ZDHHC6: variants seen among roughly 807,000 people sequenced by gnomAD.
ZDHHC6 encodes zDHHC palmitoyltransferase 6, also known as palmitoyltransferase ZDHHC6.
ZDHHC6 carries 32 observed loss-of-function variants against 57.8 expected under a neutral mutation model. That is an observed-to-expected ratio of 0.55 (90% CI 0.42 to 0.74). The LOEUF (loss-of-function observed/expected upper bound fraction) is 0.74. Ranked by LOEUF, ZDHHC6 falls within the 30% of genes least tolerant of loss-of-function variation. ZDHHC6 has a pLI of 0.00. For missense variants in ZDHHC6, 433 were observed against 500.7 expected (o/e 0.86, Z 1.29); for synonymous variants, 128 against 158.0 (o/e 0.81, Z 1.42).
At chr10:112,432,010 A>G (rs1269884393) in intron 10 of ZDHHC6, among the ~76,000 whole-genome samples, 1 of 152,240 alleles carries the variant, frequency 6.6e-6, no homozygotes, top group Admixed American at 6.5e-5. Context: ...TTATACAAGT[A>G]CTTTTCGCAT....
intron 1 of ZDHHC6, among the ~76,000 whole-genome samples, chr10:112,446,120 T>A (rs557104474): frequency 6.6e-6 from 1 of 152,304 alleles, no homozygotes; most frequent in South Asian, 2.1e-4. Flanking sequence ...TCTTATGAAG[T>A]CTTGAATTAA....
At position 112,438,727 on chromosome 10, in the gene ZDHHC6, T is replaced by C. The variant is rs559119303; in HGVS notation, c.682-338A>G. Among the ~76,000 whole-genome samples the C allele has an allele frequency of 6.6e-5, 10 of 152,320 alleles. No homozygotes were observed. The South Asian group carries it at 2.1e-3, about 32-fold the overall frequency. The stretch of plus-strand genomic sequence containing the variant: ...AATCCATTTAATCAGTGCTTACTTA[T>C]AATTTGCTATTAAAATCTTTTATCA... On this transcript the variant is annotated intron_variant, in intron 5 of 10. Transcript: ENST00000369405.
At chr10:112,443,707 G>T (rs1846374263) in intron 2 of ZDHHC6, 101 bp from the exon 3 acceptor site, 3 of 846,102 alleles carry the variant, frequency 3.5e-6, no homozygotes, top group Non-Finnish European at 5.6e-6. Context: ...GGGAAGGAGA[G>T]AATCTTAACT....
intron 4 of ZDHHC6, 126 bp from the exon 5 acceptor site, chr10:112,440,821 A>C: frequency 1.6e-6 from 1 of 637,310 alleles, no homozygotes; most frequent in Non-Finnish European, 2.3e-6. Context: ...ACGCAAACAC[A>C]GCTATTTTTA....
At chr10:112,436,470 C>T (rs988678315) in intron 6 of ZDHHC6, among the ~76,000 whole-genome samples, 10 of 152,082 alleles carry the variant, frequency 6.6e-5, no homozygotes, top group African/African-American at 2.2e-4. Context: ...AGCGAGACTC[C>T]GTCGCCAGAA....
upstream of ZDHHC6, chr10:112,447,426 A>T: frequency 6.2e-7 from 1 of 1,613,716 alleles, no homozygotes; most frequent in South Asian, 1.1e-5. Flanking sequence ...CTCACTGCAG[A>T]GATCACCAGC....
chr10:112,427,509 A>T, downstream of ZDHHC6: 2 of 624,996 alleles, frequency 3.2e-6, no homozygotes, highest in Non-Finnish European at 2.5e-6. Flanking sequence ...ATTGAGACAT[A>T]TAATGTGTAA....
chr10:112,428,689 T>C (rs1387297684), downstream of ZDHHC6, among the ~76,000 whole-genome samples: 1 of 151,778 alleles, frequency 6.6e-6, no homozygotes, highest in Admixed American at 6.6e-5. Flanking sequence ...GAGAATGGCA[T>C]GAACCCGAGA....
rs757548666 is a variant in ZDHHC6, at chr10:112,445,253, T to G, written c.184A>C (p.Ile62Leu). ...TAAAGAATCATGACAGTCCAATTTA[T>G]CAACATGATGAAATTCACACTTCCT... ...TGGSVNFIML[I>L]NWTVMILYNY... Residue 62 changes from isoleucine (I) to leucine (L), a missense_variant, in exon 2 of 11, where the codon ATA becomes CTA. Physicochemically the swap from Ile to Leu is conservative, Grantham distance 5 (BLOSUM62 2). Transcript: ENST00000369405. 3 of 1,614,162 alleles carry G rather than the reference T, an allele frequency of 1.9e-6. No individual in the cohort carries two copies. In the Admixed American group the frequency reaches 5.0e-5, roughly 27 times the overall value.
chr10:112,429,966 T>TGGGGGG (rs141673449), downstream of ZDHHC6, among the ~76,000 whole-genome samples: 1 of 108,356 alleles, frequency 9.2e-6, no homozygotes, highest in African/African-American at 4.1e-5. Context: ...AAGCAGTTGT[T>TGGGGGG]GGGGGGGGGG....
At chr10:112,425,678 C>T (rs185059345), downstream of ZDHHC6, 13 of 475,080 alleles carry the variant, frequency 2.7e-5, no homozygotes, top group East Asian at 3.5e-4. Context: ...CTATGATGGA[C>T]GTTGTACACA....
chr10:112,441,366 C>T (rs963008605), intron 4 of ZDHHC6, among the ~76,000 whole-genome samples: 2 of 152,188 alleles, frequency 1.3e-5, no homozygotes, highest in Admixed American at 6.5e-5. Flanking sequence ...TCCACAGTGA[C>T]AAGTGCTGCC....
In ZDHHC6 at chr10:112,438,385, T is replaced by G; in HGVS notation, c.686A>C (p.Lys229Thr). ...AVGMLFFIQM[K>T]IILRNKTSIE... ...AGAAGTTTTGTTTCTGAGAATTATT[T>G]TCATCTGGAAATTAAATGATAGTAA... The change falls in exon 6 of 11, where the codon AAA becomes ACA. Residue 229 changes from lysine to threonine, a missense_variant. Transcript: ENST00000369405. The G allele has an allele frequency of 7.2e-7, 1 of 1,389,854 alleles. No homozygotes were observed. Among genetic ancestry groups the G allele is most frequent in the Non-Finnish European group, 9.6e-7 (1 of 1,041,826 alleles). 86.1% of individuals were successfully genotyped at this position (1,389,854 alleles called of 1,614,324 possible).
chr10:112,427,189 G>T (rs1001530921), downstream of ZDHHC6: 12 of 1,597,038 alleles, frequency 7.5e-6, no homozygotes, highest in African/African-American at 1.6e-4. Context: ...TCACTAATGA[G>T]CATGGATGTG....
chr10:112,443,574 A>G lies in ZDHHC6; in HGVS notation c.300T>C (p.Tyr100=), dbSNP rs577610968. 1 of 1,613,636 alleles carries G rather than the reference A, an allele frequency of 6.2e-7. No individual in the cohort carries two copies. Among genetic ancestry groups the G allele is most frequent in the South Asian group, 1.1e-5 (1 of 91,008 alleles). The change falls in exon 3 of 11, where the codon TAT becomes TAC. Residue 100 remains tyrosine (Y), a synonymous_variant. Transcript: ENST00000369405. The stretch of plus-strand genomic sequence containing the variant: ...CCTTGTATGCTTGGCAGACTTTACA[A>G]TACTGGAGATACATGGTATCCTGAG... ...EISQDTMYLQ[Y]CKVCQAYKAP...
At position 112,445,259 on chromosome 10, in the gene ZDHHC6, T is replaced by TTG; in HGVS notation, c.177_178insCA (p.Met60GlnfsTer3). On this transcript the variant is annotated frameshift_variant, in exon 2 of 11. Coordinates refer to ENST00000369405, the MANE Select transcript of ZDHHC6 (RefSeq NM_022494.3). LOFTEE classifies it high-confidence loss of function. ...ATCATGACAGTCCAATTTATCAACA[T>TTG]GATGAAATTCACACTTCCTCCAGTT... 1 of 1,614,178 alleles carries TTG rather than the reference T, an allele frequency of 6.2e-7. No individual in the cohort carries two copies. Among genetic ancestry groups the TTG allele is most frequent in the East Asian group, 2.2e-5 (1 of 44,886 alleles).
Position 112,430,777 on chromosome 10 carries a change from TAAAGG to T in ZDHHC6, c.*22_*26del. ...CAATTTTCAAGTAATTAAGCAGACT[TAAAGG>T]ATAATTTTGTTTTAACAGCAGCTAT... On this transcript the variant is annotated 3_prime_UTR_variant, in exon 11 of 11. Transcript: ENST00000369405. 1 of 1,590,776 alleles carries T rather than the reference TAAAGG, an allele frequency of 6.3e-7. No homozygotes were observed. Among genetic ancestry groups the T allele is most frequent in the Middle Eastern group, 1.7e-4 (1 of 6,004 alleles).
chr10:112,447,346 G>A, upstream of ZDHHC6: 1 of 1,608,680 alleles, frequency 6.2e-7, no homozygotes, highest in Non-Finnish European at 8.5e-7. Flanking sequence ...CCTAGGCTTT[G>A]GCCTGGGCTA....
At chr10:112,433,713 GCTA>G (rs1358165107) in intron 7 of ZDHHC6, 23 of 157,218 alleles carry the variant, frequency 1.5e-4, no homozygotes, top group Middle Eastern at 3.3e-3. Flanking sequence ...ATTTGACATA[GCTA>G]CTATTAAATA....
Sources: gnomAD v4.1 joint callset for allele counts (sites outside exome capture counted in the v4.1 genomes callset) on GRCh38, gnomAD v4.1.1 for gene constraint, MANE v1.5 for transcripts, NCBI Gene and HGNC (gene_info 2026-07-23, HGNC 2026-07-21) for gene names.